Variants in CACNA2D1 observed in about 807,000 individuals in gnomAD.
CACNA2D1 encodes calcium voltage-gated channel auxiliary subunit alpha2delta 1.
In CACNA2D1, 53 loss-of-function variants were observed where a neutral mutation model predicts 171.5. The ratio of observed to expected loss-of-function variants is 0.31; its 90% CI spans 0.25 to 0.39. The LOEUF is 0.39. Among genes scored for constraint, CACNA2D1 ranks in the 10% least tolerant of loss-of-function variants. CACNA2D1 has a pLI of 1.00. For synonymous variants in CACNA2D1, 442 were observed against 443.1 expected, an observed-to-expected ratio of 1.00 and a Z score of 0.03; for missense variants, 903 against 1,299.8, an observed-to-expected ratio of 0.69 and a Z score of 4.69.
chr7:82,348,233 A>G (rs1268138974), intron 2 of CACNA2D1, among the ~76,000 whole-genome samples: 3 of 152,138 alleles, frequency 2.0e-5, no homozygotes, highest in Admixed American at 1.3e-4. Context: ...TGGTACTTCC[A>G]TAAACTCCAT....
At chr7:82,188,349 G>C (rs1165602566) in intron 3 of CACNA2D1, among the ~76,000 whole-genome samples, 2 of 152,088 alleles carry the variant, frequency 1.3e-5, no homozygotes, top group Non-Finnish European at 2.9e-5. Flanking sequence ...GTAATATCTG[G>C]TAGGTGAGAT....
At chr7:82,013,023 A>T (rs370507186) in intron 14 of CACNA2D1, among the ~76,000 whole-genome samples, 1 of 152,068 alleles carries the variant, frequency 6.6e-6, no homozygotes, top group Non-Finnish European at 1.5e-5. Context: ...TGATAAATAG[A>T]TCCACAGGGG....
intron 3 of CACNA2D1, among the ~76,000 whole-genome samples, chr7:82,207,973 G>A (rs1423531068): frequency 6.6e-6 from 1 of 152,110 alleles, no homozygotes. Context: ...CTCCTAAGAG[G>A]CTTATAAAGC....
At chr7:82,015,186 T>G (rs754652836) in intron 12 of CACNA2D1, among the ~76,000 whole-genome samples, 4 of 152,246 alleles carry the variant, frequency 2.6e-5, no homozygotes, top group Non-Finnish European at 5.9e-5. Flanking sequence ...ATTTCCCTAT[T>G]TCATAGGTAT....
intron 3 of CACNA2D1, among the ~76,000 whole-genome samples, chr7:82,218,592 GATTA>G (rs1176584393): frequency 6.6e-6 from 1 of 152,100 alleles, no homozygotes; most frequent in Non-Finnish European, 1.5e-5. Flanking sequence ...GTTATAAATT[GATTA>G]ATTACCAGGA....
At chr7:81,984,585 G>A (rs371922351) in intron 22 of CACNA2D1, 50 bp downstream of exon 22, 17 of 974,980 alleles carry the variant, frequency 1.7e-5, no homozygotes, top group Middle Eastern at 2.1e-4. Context: ...TTAAACATCT[G>A]ATACTAGGAG....
chr7:82,423,775 G>A (rs17156305), intron 1 of CACNA2D1, among the ~76,000 whole-genome samples: 3,165 of 152,148 alleles, frequency 0.021, 116 homozygotes, highest in East Asian at 0.12. Context: ...ACTGAAAACG[G>A]TAATTTAGTT....
At chr7:81,956,907 G>A (rs1351705245) in intron 38 of CACNA2D1, among the ~76,000 whole-genome samples, 6 of 152,074 alleles carry the variant, frequency 3.9e-5, no homozygotes, top group Admixed American at 6.6e-5. Flanking sequence ...ATTGAATAGA[G>A]AACTCAGAAA....
At chr7:82,372,326 T>C (rs1230880126) in intron 1 of CACNA2D1, among the ~76,000 whole-genome samples, 6 of 152,142 alleles carry the variant, frequency 3.9e-5, no homozygotes, top group Non-Finnish European at 2.9e-5. Flanking sequence ...ATTAAAAATA[T>C]AGCAAACAAA....
chr7:82,027,810 CTGATACAGTGAATATAG>C (rs1802130327), intron 12 of CACNA2D1: 1 of 151,672 alleles, frequency 6.6e-6, no homozygotes, highest in South Asian at 2.1e-4. Context: ...ATCATTATAT[CTGATACAGTGAATATAG>C]TGATATCATA....
intron 10 of CACNA2D1, among the ~76,000 whole-genome samples, chr7:82,038,652 G>T (rs1803597870): frequency 1.3e-5 from 2 of 152,168 alleles, no homozygotes; most frequent in Non-Finnish European, 2.9e-5. Context: ...GGAAAGACTG[G>T]TTGGAAAAGT....
At chr7:82,218,258 C>A (rs1801386002) in intron 3 of CACNA2D1, among the ~76,000 whole-genome samples, 1 of 152,054 alleles carries the variant, frequency 6.6e-6, no homozygotes, top group Non-Finnish European at 1.5e-5. Context: ...TTATTTAACT[C>A]TCAGGAAAAC....
chr7:82,257,097 A>AT, intron 3 of CACNA2D1, among the ~76,000 whole-genome samples: 2 of 152,240 alleles, frequency 1.3e-5, no homozygotes, highest in East Asian at 3.9e-4. Flanking sequence ...CACTGGCTTC[A>AT]TTTTTTGTAT....
At chr7:82,374,040 T>C (rs921466216) in intron 1 of CACNA2D1, among the ~76,000 whole-genome samples, 1 of 152,216 alleles carries the variant, frequency 6.6e-6, no homozygotes, top group Non-Finnish European at 1.5e-5. Flanking sequence ...CAGCTAAAGG[T>C]TGACATGGGT....
At chr7:82,122,831 A>G (rs957476541) in intron 5 of CACNA2D1, among the ~76,000 whole-genome samples, 1 of 152,190 alleles carries the variant, frequency 6.6e-6, no homozygotes, top group East Asian at 1.9e-4. Context: ...CTTCTAAAAA[A>G]TTAAAAGAAT....
intron 4 of CACNA2D1, among the ~76,000 whole-genome samples, chr7:82,148,491 G>A (rs535071501): frequency 1.3e-5 from 2 of 152,260 alleles, no homozygotes; most frequent in East Asian, 3.9e-4. Flanking sequence ...CAAAGGAGGT[G>A]TGTTTGGGAG....
chr7:82,433,863 T>A (rs796839499), intron 1 of CACNA2D1, among the ~76,000 whole-genome samples: 1 of 152,362 alleles, frequency 6.6e-6, no homozygotes, highest in African/African-American at 2.4e-5. Context: ...TATGGTGAAC[T>A]AACCCAAGCT....
At chr7:82,268,022 TAC>T (rs1808134857) in intron 3 of CACNA2D1, among the ~76,000 whole-genome samples, 1 of 151,850 alleles carries the variant, frequency 6.6e-6, no homozygotes, top group African/African-American at 2.4e-5. Flanking sequence ...CAAAAAAACC[TAC>T]AGACTCTACA....
chr7:82,388,644 A>G (rs917469969), intron 1 of CACNA2D1, among the ~76,000 whole-genome samples: 1 of 152,088 alleles, frequency 6.6e-6, no homozygotes, highest in Non-Finnish European at 1.5e-5. Flanking sequence ...ATGTGAGGGG[A>G]AAAAAAGTTT....
Sources: allele counts gnomAD v4.1 joint callset (sites outside exome capture counted in the v4.1 genomes callset), GRCh38; gene constraint gnomAD v4.1.1; transcripts MANE v1.5; gene names NCBI Gene and HGNC (gene_info 2026-07-23, HGNC 2026-07-21).